The following CTIF variants were observed in gnomAD, a reference collection of about 807,000 sequenced individuals.
The protein encoded by CTIF is cap binding complex dependent translation initiation factor, also known as CBP80/20-dependent translation initiation factor.
In CTIF, 21 loss-of-function variants were observed where a neutral mutation model predicts 66.0. The observed-to-expected ratio is 0.32, with a 90% confidence interval of 0.23 to 0.46. CTIF has a LOEUF of 0.46. Among genes scored for constraint, CTIF ranks in the 20% least tolerant of loss-of-function variants. CTIF has a pLI of 1.00. For missense variants in CTIF, 739 were observed against 812.7 expected (o/e 0.91, Z 1.10); for synonymous variants, 345 against 326.4 (o/e 1.06, Z -0.62).
intron 9 of CTIF, among the ~76,000 whole-genome samples, chr18:48,810,171 A>G (rs532867203): frequency 2.0e-5 from 3 of 152,238 alleles, no homozygotes; most frequent in Non-Finnish European, 4.4e-5. Flanking sequence ...TAAGCCTTTG[A>G]AAAGTAATAT....
intron 7 of CTIF, among the ~76,000 whole-genome samples, chr18:48,737,668 C>T (rs2092515790): frequency 6.6e-6 from 1 of 151,968 alleles, no homozygotes; most frequent in Non-Finnish European, 1.5e-5. Context: ...TACTGTTTCT[C>T]TCTGAAAAGA....
intron 10 of CTIF, among the ~76,000 whole-genome samples, chr18:48,836,329 A>AT (rs1423688038): frequency 1.3e-5 from 2 of 152,070 alleles, no homozygotes; most frequent in African/African-American, 2.4e-5. Flanking sequence ...CAGGGTCCCC[A>AT]TGCTCAGCCT....
chr18:48,741,783 T>C (rs1366269889), intron 7 of CTIF, among the ~76,000 whole-genome samples: 2 of 152,140 alleles, frequency 1.3e-5, no homozygotes, highest in Admixed American at 1.3e-4. Context: ...AGTGGACTTA[T>C]GGGGCTGAGA....
chr18:48,626,007 T>C (rs1359581244), intron 2 of CTIF, among the ~76,000 whole-genome samples: 2 of 144,994 alleles, frequency 1.4e-5, no homozygotes, highest in Non-Finnish European at 3.0e-5. Flanking sequence ...TTTCTTTTTT[T>C]TTTTTTTTTT....
intron 11 of CTIF, among the ~76,000 whole-genome samples, chr18:48,858,979 G>A (rs1227376527): frequency 2.0e-5 from 3 of 152,140 alleles, no homozygotes; most frequent in Admixed American, 1.3e-4. Context: ...ATCACCAAGG[G>A]GCACAGATCA....
At chr18:48,665,783 C>T (rs1466591838) in intron 5 of CTIF, among the ~76,000 whole-genome samples, 1 of 152,214 alleles carries the variant, frequency 6.6e-6, no homozygotes, top group African/African-American at 2.4e-5. Flanking sequence ...GAGGTTCATT[C>T]ATTATAGCAT....
At chr18:48,774,653 C>T (rs968752214) in intron 9 of CTIF, among the ~76,000 whole-genome samples, 1 of 152,142 alleles carries the variant, frequency 6.6e-6, no homozygotes, top group Non-Finnish European at 1.5e-5. Flanking sequence ...GAGCCTGAGA[C>T]CAAGTGTATT....
chr18:48,781,265 G>T (rs952597619), intron 9 of CTIF, among the ~76,000 whole-genome samples: 1 of 152,242 alleles, frequency 6.6e-6, no homozygotes, highest in Non-Finnish European at 1.5e-5. Flanking sequence ...CGCCGCAGCG[G>T]GGGCCGGGCC....
intron 6 of CTIF, among the ~76,000 whole-genome samples, chr18:48,706,049 A>G (rs2092149466): frequency 6.6e-6 from 1 of 152,138 alleles, no homozygotes; most frequent in South Asian, 2.1e-4. Context: ...TGAGAGAGAG[A>G]CAAGGGTGGA....
intron 1 of CTIF, among the ~76,000 whole-genome samples, chr18:48,614,453 A>G (rs1194786900): frequency 6.6e-6 from 1 of 152,240 alleles, no homozygotes; most frequent in Non-Finnish European, 1.5e-5. Context: ...AACAACCCAA[A>G]TGCCCATCAG....
In CTIF at chr18:48,784,647, A is replaced by G. The variant is rs141052913; in HGVS notation, c.1371+22958A>G. 3.4e-3 allele frequency among the ~76,000 whole-genome samples: 524 copies of G among 152,158 alleles called. 3 individuals are homozygous for G. The Middle Eastern group carries it at 0.041, about 12-fold the overall frequency. On this transcript the variant is annotated intron_variant, in intron 9 of 11. Transcript: ENST00000256413. ...CAAAGCACCCCACTGGGGGTGTCCTATTGGAGCCTCCTGGGAGAGCCAGGA... is the reference window on the plus strand; with the variant it reads ...CAAAGCACCCCACTGGGGGTGTCCTGTTGGAGCCTCCTGGGAGAGCCAGGA...
intron 6 of CTIF, among the ~76,000 whole-genome samples, chr18:48,673,423 A>G (rs1440090757): frequency 7.8e-6 from 1 of 128,974 alleles, no homozygotes; most frequent in Non-Finnish European, 1.8e-5. Flanking sequence ...GATTTCTGAG[A>G]CACATTTGTT....
At chr18:48,635,208 T>C (rs1444324611) in intron 2 of CTIF, among the ~76,000 whole-genome samples, 2 of 152,108 alleles carry the variant, frequency 1.3e-5, no homozygotes, top group Non-Finnish European at 2.9e-5. Context: ...CCAGCCAAGG[T>C]TTTAGAAAGC....
At chr18:48,549,944 CT>C (rs150226359) in intron 1 of CTIF, among the ~76,000 whole-genome samples, 14,413 of 152,030 alleles carry the variant, frequency 0.095, 829 homozygotes, top group Middle Eastern at 0.17. Flanking sequence ...ATTAGCTTTA[CT>C]TTTTTTTATA....
rs151338853 is a variant in CTIF, at chr18:48,701,436, C to G, written c.508-10183C>G. Among the ~76,000 whole-genome samples, 309 of 152,262 alleles carry G rather than the reference C, an allele frequency of 2.0e-3. 1 individual carries two copies. Among genetic ancestry groups the G allele is most frequent in the African/African-American group, 7.2e-3 (298 of 41,542 alleles). On this transcript the variant is annotated intron_variant, in intron 6 of 11. Transcript: ENST00000256413. ...GAGCCTAAGTGGCCTGTGTTCAAGT[C>G]TTTCCTGGGTTCATGACCTGGAGAA...
intron 7 of CTIF, among the ~76,000 whole-genome samples, chr18:48,737,682 A>T (rs1469701926): frequency 6.6e-6 from 1 of 152,228 alleles, no homozygotes; most frequent in African/African-American, 2.4e-5. Context: ...GAAAAGACAG[A>T]TAGAAATATA....
At chr18:48,614,890 GTTGTT>G (rs60311500) in intron 1 of CTIF, among the ~76,000 whole-genome samples, 10 of 151,794 alleles carry the variant, frequency 6.6e-5, no homozygotes, top group East Asian at 3.9e-4. Flanking sequence ...TTTTGTTGTT[GTTGTT>G]TTGTTTTGTT....
chr18:48,589,131 A>T (rs900725258), intron 1 of CTIF, among the ~76,000 whole-genome samples: 3 of 152,146 alleles, frequency 2.0e-5, no homozygotes, highest in Admixed American at 1.3e-4. Flanking sequence ...GCCTGCGTGT[A>T]TGAGTTTCCC....
intron 10 of CTIF, chr18:48,826,766 T>G (rs747744649): frequency 6.6e-6 from 1 of 152,232 alleles, no homozygotes; most frequent in Non-Finnish European, 1.5e-5. Flanking sequence ...AGACAATGCT[T>G]CTTATTGAAC....
Sources: gnomAD v4.1 joint callset for allele counts (sites outside exome capture counted in the v4.1 genomes callset) on GRCh38, gnomAD v4.1.1 for gene constraint, MANE v1.5 for transcripts, NCBI Gene and HGNC (gene_info 2026-07-23, HGNC 2026-07-21) for gene names.